ALG9: variants seen among roughly 807,000 people sequenced by gnomAD.
The protein encoded by ALG9 is alpha-1,2-mannosyltransferase ALG9.
A neutral mutation model predicts 81.8 loss-of-function variants in ALG9; 55 were observed. That is an observed-to-expected ratio of 0.67 (90% CI 0.54 to 0.84). The LOEUF is 0.84. Ranked by LOEUF, ALG9 falls within the 40% of genes least tolerant of loss-of-function variation. The probability of loss-of-function intolerance (pLI) is 0.00; values close to 1 mark genes in which losing one functional copy is unlikely to be tolerated. For missense variants in ALG9, 629 were observed against 745.0 expected (o/e 0.84, Z 1.81); for synonymous variants, 278 against 274.3 (o/e 1.01, Z -0.13).
chr11:111,842,425 C>CT (rs1355497230), intron 9 of ALG9, among the ~76,000 whole-genome samples: 16 of 150,758 alleles, frequency 1.1e-4, no homozygotes, highest in Admixed American at 3.3e-4. Context: ...GTTTGGGGGA[C>CT]TTTTTTTTTC....
chr11:111,855,742 T>C (rs1049972183), intron 6 of ALG9, among the ~76,000 whole-genome samples: 2 of 152,076 alleles, frequency 1.3e-5, no homozygotes, highest in Non-Finnish European at 2.9e-5. Flanking sequence ...CATTAAGCTA[T>C]GGGAATCACC....
chr11:111,863,142 C>T (rs1249524346), intron 4 of ALG9, among the ~76,000 whole-genome samples: 3 of 152,094 alleles, frequency 2.0e-5, no homozygotes, highest in African/African-American at 4.8e-5. Flanking sequence ...GAGGCCGAGG[C>T]GGGCAGATCA....
At chr11:111,863,878 T>C (rs1344258984) in intron 4 of ALG9, among the ~76,000 whole-genome samples, 1 of 152,224 alleles carries the variant, frequency 6.6e-6, no homozygotes, top group Non-Finnish European at 1.5e-5. Context: ...TACTAAATCC[T>C]ATCAAGTAAA....
chr11:111,798,364 A>G (rs1245273821), intron 14 of ALG9, among the ~76,000 whole-genome samples: 5 of 152,138 alleles, frequency 3.3e-5, no homozygotes, highest in Non-Finnish European at 5.9e-5. Context: ...CGAAGCTACA[A>G]ACAGGCCCTG....
intron 6 of ALG9, 38 bp from the exon 7 acceptor site, chr11:111,853,774 T>C (rs372749289): frequency 1.0e-5 from 16 of 1,535,980 alleles, no homozygotes; most frequent in African/African-American, 5.5e-5. Context: ...GTTAAATAAA[T>C]ACTGACAGAG....
intron 14 of ALG9, among the ~76,000 whole-genome samples, chr11:111,794,824 A>G (rs1266853465): frequency 2.0e-5 from 3 of 152,188 alleles, no homozygotes; most frequent in Non-Finnish European, 4.4e-5. Context: ...GAGATTTTCT[A>G]CAACCTTTAG....
At chr11:111,827,052 T>C (rs974224455) in intron 13 of ALG9, among the ~76,000 whole-genome samples, 8 of 152,196 alleles carry the variant, frequency 5.3e-5, no homozygotes, top group African/African-American at 1.9e-4. Context: ...AGAGCATATG[T>C]TTTTGTTTTA....
chr11:111,790,754 A>T (rs1443454063), intron 14 of ALG9, among the ~76,000 whole-genome samples: 1 of 152,256 alleles, frequency 6.6e-6, no homozygotes, highest in Non-Finnish European at 1.5e-5. Context: ...AATCAGGGAA[A>T]TGCAAGACTA....
At chr11:111,774,166 C>T in the ALG9 span, among the ~76,000 whole-genome samples, 3 of 149,878 alleles carry the variant, frequency 2.0e-5, no homozygotes, top group African/African-American at 4.9e-5. Flanking sequence ...CACCTAAGGT[C>T]GGGAGTTTGA....
chr11:111,781,040 A>G (rs1945905318), downstream of ALG9, among the ~76,000 whole-genome samples: 1 of 152,242 alleles, frequency 6.6e-6, no homozygotes, highest in South Asian at 2.1e-4. Flanking sequence ...ACTCAGCCCT[A>G]AAAGTAACAG....
At chr11:111,787,701 G>A (rs950513795) in intron 14 of ALG9, among the ~76,000 whole-genome samples, 6 of 151,624 alleles carry the variant, frequency 4.0e-5, no homozygotes, top group African/African-American at 4.8e-5. Context: ...CTCGTGATCC[G>A]CCTGCCTCAG....
Position 111,865,239 on chromosome 11 carries a change from A to G in ALG9, c.418T>C (p.Tyr140His), listed in dbSNP as rs1555151709. 6.4e-7 allele frequency: 1 copy of G among 1,552,132 alleles called. No homozygotes were observed. Among genetic ancestry groups the G allele is most frequent in the East Asian group, 2.4e-5 (1 of 41,090 alleles). ...ILQTNKILVF[Y>H]FLRCLLAFVS... is the part of the protein sequence containing the mutation. The stretch of plus-strand genomic sequence containing the variant: ...AAAGCCAGAAGACATCGCAAAAAGT[A>G]AAACACAAGAATCTAAAAGAAACCC... The change falls in exon 4 of 15, where the codon TAC (tyrosine) becomes CAC (histidine). Residue 140 changes from tyrosine (Y) to histidine (H), a missense_variant. This residue lies in a region of ALG9 where 344 missense variants were observed against 390.5 expected (regional missense o/e 0.88). Coordinates refer to ENST00000616540, the MANE Select transcript of ALG9 (RefSeq NM_024740.2).
intron 1 of ALG9, chr11:111,870,895 C>G: frequency 4.0e-6 from 4 of 999,590 alleles, no homozygotes; most frequent in Non-Finnish European, 4.8e-6. Flanking sequence ...GGTACATAGC[C>G]TACTCCAATT....
intron 14 of ALG9, among the ~76,000 whole-genome samples, chr11:111,794,231 T>C (rs1289123437): frequency 2.0e-5 from 3 of 152,186 alleles, no homozygotes; most frequent in Admixed American, 2.0e-4. Context: ...CAGGCACAAA[T>C]GGAAATGCTG....
At chr11:111,780,045 A>C (rs1945842981), downstream of ALG9, among the ~76,000 whole-genome samples, 1 of 152,218 alleles carries the variant, frequency 6.6e-6, no homozygotes, top group South Asian at 2.1e-4. Context: ...ACTTAATATT[A>C]TTCAATCTGA....
chr11:111,808,414 C>T (rs1950235137), intron 14 of ALG9, among the ~76,000 whole-genome samples: 1 of 152,218 alleles, frequency 6.6e-6, no homozygotes, highest in Admixed American at 6.5e-5. Context: ...ACCTGGTATG[C>T]AGGTCAGCAT....
At chr11:111,862,850 A>G (rs895048623) in intron 4 of ALG9, among the ~76,000 whole-genome samples, 7 of 151,770 alleles carry the variant, frequency 4.6e-5, no homozygotes, top group Non-Finnish European at 1.0e-4. Flanking sequence ...TTATATTCCT[A>G]TTTCCCAATA....
chr11:111,860,534 C>T lies in ALG9; in HGVS notation c.565+13G>A, dbSNP rs1343936833. 6.2e-7 allele frequency: 1 copy of T among 1,611,982 alleles called. No homozygotes were observed. The highest frequency in any genetic ancestry group is 1.3e-5 in the African/African-American group (1 of 74,884). ...TGATGACCTGCAATTCCCTCATCTG[C>T]CCTTTTACTTACCTGATGATGAGCA... On this transcript the variant is annotated intron_variant, in intron 5 of 14. Transcript: ENST00000616540.
intron 13 of ALG9, among the ~76,000 whole-genome samples, chr11:111,825,090 C>T (rs941785715): frequency 6.6e-6 from 1 of 152,192 alleles, no homozygotes; most frequent in African/African-American, 2.4e-5. Flanking sequence ...TCTCCAGGTG[C>T]TTGTAACCTG....
Sources: allele counts gnomAD v4.1 joint callset (sites outside exome capture counted in the v4.1 genomes callset), GRCh38; gene constraint gnomAD v4.1.1; regional missense constraint gnomAD v4.1.1; transcripts MANE v1.5; gene names NCBI Gene and HGNC (gene_info 2026-07-23, HGNC 2026-07-21).